The following BASP1 variants were observed in gnomAD, a reference collection of about 807,000 sequenced individuals.
BASP1 encodes brain abundant membrane attached signal protein 1, also known as brain acid soluble protein 1.
A neutral mutation model predicts 2.2 loss-of-function variants in BASP1; 1 was observed. The observed-to-expected ratio is 0.46, with a 90% confidence interval of 0.16 to 2.17. BASP1 has a LOEUF of 2.17. BASP1 is among the 30% of genes most tolerant of loss of function. The pLI is 0.27. For missense variants in BASP1, 352 were observed against 327.2 expected (o/e 1.08, Z -0.58); for synonymous variants, 187 against 154.2 (o/e 1.21, Z -1.58).
chr5:17,246,054 A>G (rs778631927), intron 1 of BASP1, among the ~76,000 whole-genome samples: 1 of 152,204 alleles, frequency 6.6e-6, no homozygotes, highest in African/African-American at 2.4e-5. Flanking sequence ...TAATTATTGG[A>G]GAAGGTTTCT....
chr5:17,219,345 A>G (rs1175163182), intron 1 of BASP1, among the ~76,000 whole-genome samples: 3 of 152,152 alleles, frequency 2.0e-5, no homozygotes, highest in Non-Finnish European at 2.9e-5. Context: ...TTGGACACCA[A>G]TGACAGTTTT....
intron 1 of BASP1, among the ~76,000 whole-genome samples, chr5:17,219,445 C>T (rs1739349972): frequency 6.6e-6 from 1 of 152,162 alleles, no homozygotes; most frequent in African/African-American, 2.4e-5. Flanking sequence ...TAAGATTTGC[C>T]TTGATGAGGA....
intron 1 of BASP1, among the ~76,000 whole-genome samples, chr5:17,253,461 C>T (rs1435275902): frequency 6.6e-6 from 1 of 152,212 alleles, no homozygotes; most frequent in African/African-American, 2.4e-5. Context: ...GATCCTCCTA[C>T]CTTGGCCTCC....
chr5:17,241,348 C>T (rs1289283555), intron 1 of BASP1, among the ~76,000 whole-genome samples: 1 of 152,128 alleles, frequency 6.6e-6, no homozygotes, highest in Non-Finnish European at 1.5e-5. Context: ...GATCTGCCTG[C>T]CTCAGCTTCC....
At chr5:17,274,023 AAATTTATTATTTATAAATTTAT>A (rs1170892211) in intron 1 of BASP1, among the ~76,000 whole-genome samples, 4 of 152,306 alleles carry the variant, frequency 2.6e-5, no homozygotes, top group African/African-American at 4.8e-5. Context: ...GTTCTGGATG[AAATTTATTATTTATAAATTTAT>A]AATTTATTAT....
At chr5:17,232,497 A>G (rs1739653042) in intron 1 of BASP1, among the ~76,000 whole-genome samples, 2 of 152,210 alleles carry the variant, frequency 1.3e-5, no homozygotes, top group African/African-American at 4.8e-5. Flanking sequence ...CGTGAGTTCT[A>G]CGAGGTTAGG....
At chr5:17,219,678 A>G (rs1739359030) in intron 1 of BASP1, among the ~76,000 whole-genome samples, 1 of 152,208 alleles carries the variant, frequency 6.6e-6, no homozygotes, top group Non-Finnish European at 1.5e-5. Flanking sequence ...CCACCTGGGG[A>G]AAATTAAGAC....
At chr5:17,224,913 C>CTGTTTT (rs1214003847) in intron 1 of BASP1, among the ~76,000 whole-genome samples, 1 of 152,248 alleles carries the variant, frequency 6.6e-6, no homozygotes, top group African/African-American at 2.4e-5. Context: ...ATTGGTCAAT[C>CTGTTTT]TGTTTTGTTC....
chr5:17,246,922 C>T (rs1490405566), intron 1 of BASP1, among the ~76,000 whole-genome samples: 1 of 152,238 alleles, frequency 6.6e-6, no homozygotes, highest in Admixed American at 6.5e-5. Flanking sequence ...TGCAGTGGCT[C>T]ACACCTGTAA....
At chr5:17,244,698 T>G (rs2126503060) in intron 1 of BASP1, among the ~76,000 whole-genome samples, 1 of 151,496 alleles carries the variant, frequency 6.6e-6, no homozygotes, top group Non-Finnish European at 1.5e-5. Context: ...TGTAGTGTTT[T>G]TTTTTTTTTT....
chr5:17,252,530 A>T (rs886459233), intron 1 of BASP1, among the ~76,000 whole-genome samples: 1 of 152,152 alleles, frequency 6.6e-6, no homozygotes, highest in Admixed American at 6.5e-5. Context: ...TTCTCTGTGG[A>T]TGTTGTGCCT....
chr5:17,219,039 G>A (rs1739333932), intron 1 of BASP1, among the ~76,000 whole-genome samples: 1 of 152,050 alleles, frequency 6.6e-6, no homozygotes, highest in South Asian at 2.1e-4. Context: ...CGCACTGTGG[G>A]GCGGGCTAAA....
rs1740632230 is a variant in BASP1, at chr5:17,275,641, G to A, written c.425G>A (p.Ser142Asn). 6.6e-7 allele frequency: 1 copy of A among 1,522,904 alleles called. No individual in the cohort carries two copies. Among genetic ancestry groups the A allele is most frequent in the African/African-American group, 1.4e-5 (1 of 71,030 alleles). The allele number at this position is 1,522,904 out of a possible 1,614,324, so 94.3% of individuals were successfully genotyped here. A position where few individuals can be genotyped will look rare whatever the true frequency, so the allele number is the denominator to read the frequency against. ...SAAPAAGEEP[S>N]KEEGEPKKTE... ...GCCCCTGCCGCCGGGGAGGAGCCCA[G>A]CAAGGAGGAAGGGGAACCCAAAAAG... Residue 142 changes from serine (S) to asparagine (N), a missense_variant, in exon 2 of 2, where the codon AGC becomes AAC. Physicochemically the swap from Ser to Asn is conservative, Grantham distance 46 (BLOSUM62 1). Transcript: ENST00000322611. The surrounding 1 kb of genome is among the most constrained non-coding windows in gnomAD (Gnocchi z 5.3).
upstream of BASP1, chr5:17,217,053 G>GGGGAGA (rs1739251192): frequency 9.6e-6 from 1 of 104,146 alleles, no homozygotes; most frequent in African/African-American, 3.9e-5. Context: ...TAAATGAGGG[G>GGGGAGA]GAGAGAGAGA....
At chr5:17,230,045 C>T (rs1451494152) in intron 1 of BASP1, among the ~76,000 whole-genome samples, 2 of 152,156 alleles carry the variant, frequency 1.3e-5, no homozygotes, top group African/African-American at 2.4e-5. Context: ...AGCTACCGCA[C>T]CTGGCCCAGA....
intron 1 of BASP1, among the ~76,000 whole-genome samples, chr5:17,224,566 A>G (rs1217826957): frequency 1.5e-4 from 23 of 152,192 alleles, no homozygotes; most frequent in Non-Finnish European, 1.5e-5. Context: ...ATGAAAAATT[A>G]TTTATGGAAG....
chr5:17,217,085 A>AGAGAGAGAGAGAGAGAGG, upstream of BASP1: 4 of 141,276 alleles, frequency 2.8e-5, no homozygotes, highest in African/African-American at 1.1e-4. Flanking sequence ...AGAGAGAGAG[A>AGAGAGAGAGAGAGAGAGG]GAGAGAGAGA....
At chr5:17,247,708 T>C (rs1740022977) in intron 1 of BASP1, among the ~76,000 whole-genome samples, 1 of 152,178 alleles carries the variant, frequency 6.6e-6, no homozygotes, top group African/African-American at 2.4e-5. Flanking sequence ...AGAAATAGCA[T>C]CTCTTTCAGT....
At chr5:17,253,563 A>C (rs1251198958) in intron 1 of BASP1, among the ~76,000 whole-genome samples, 1 of 152,222 alleles carries the variant, frequency 6.6e-6, no homozygotes, top group Non-Finnish European at 1.5e-5. Context: ...ACAGATGCAC[A>C]GTATGACATT....
Sources: allele counts gnomAD v4.1 joint callset (sites outside exome capture counted in the v4.1 genomes callset), GRCh38; gene constraint gnomAD v4.1.1; non-coding constraint Gnocchi (gnomAD v3.1); transcripts MANE v1.5; gene names NCBI Gene and HGNC (gene_info 2026-07-23, HGNC 2026-07-21).